The following PFDN1 variants were observed in gnomAD, a reference collection of about 807,000 sequenced individuals.
The protein encoded by PFDN1 is prefoldin subunit 1.
Under a neutral mutation model 17.3 loss-of-function variants are expected in PFDN1, and 6 were observed. The observed-to-expected ratio is 0.35, with a 90% CI of 0.19 to 0.69. The LOEUF is 0.69. Among genes scored for constraint, PFDN1 ranks in the 30% least tolerant of loss-of-function variants. PFDN1 has a pLI of 0.65. For synonymous variants in PFDN1, 58 were observed against 50.1 expected (o/e 1.16, Z -0.67); for missense variants, 113 against 146.2 (o/e 0.77, Z 1.17).
chr5:140,302,905 G>C (rs1581102182), intron 1 of PFDN1, 136 bp downstream of exon 1: 2 of 760,214 alleles, frequency 2.6e-6, no homozygotes, highest in East Asian at 2.4e-5. Context: ...TGAGGCCTTA[G>C]GACTCTGGGA....
At chr5:140,290,713 GA>G (rs1424706045) in intron 2 of PFDN1, among the ~76,000 whole-genome samples, 2 of 152,192 alleles carry the variant, frequency 1.3e-5, no homozygotes. Flanking sequence ...TTAGAGTGAT[GA>G]AAATGTTCTT....
chr5:140,302,043 G>A (rs1469804528), intron 1 of PFDN1, among the ~76,000 whole-genome samples: 1 of 152,234 alleles, frequency 6.6e-6, no homozygotes, highest in Non-Finnish European at 1.5e-5. Context: ...TCATTTGTTA[G>A]AAGCAACAGC....
At chr5:140,285,616 T>C (rs745903197) in intron 2 of PFDN1, among the ~76,000 whole-genome samples, 22 of 152,048 alleles carry the variant, frequency 1.4e-4, no homozygotes, top group Non-Finnish European at 2.8e-4. Flanking sequence ...GAAGAGTAGA[T>C]ACCCTGAACA....
intron 2 of PFDN1, among the ~76,000 whole-genome samples, chr5:140,288,244 C>G (rs1765527183): frequency 6.6e-6 from 1 of 152,216 alleles, no homozygotes; most frequent in African/African-American, 2.4e-5. Flanking sequence ...AATGAGGTAT[C>G]AAGTCACAAA....
chr5:140,251,685 T>C (rs543332304), intron 3 of PFDN1, among the ~76,000 whole-genome samples: 35 of 152,284 alleles, frequency 2.3e-4, no homozygotes, highest in African/African-American at 7.9e-4. Flanking sequence ...AGCGACATTC[T>C]TGTGGGCCCT....
At chr5:140,256,755 C>T (rs1764993655) in intron 3 of PFDN1, among the ~76,000 whole-genome samples, 1 of 150,622 alleles carries the variant, frequency 6.6e-6, no homozygotes, top group Admixed American at 6.6e-5. Flanking sequence ...CCACACCTTC[C>T]ATCCAATCCA....
intron 2 of PFDN1, among the ~76,000 whole-genome samples, chr5:140,294,474 C>A (rs986034162): frequency 5.3e-5 from 8 of 151,984 alleles, no homozygotes; most frequent in African/African-American, 1.9e-4. Context: ...TATGAGCATA[C>A]CCCTTTCTAT....
intron 3 of PFDN1, among the ~76,000 whole-genome samples, chr5:140,274,726 G>A (rs961294223): frequency 2.0e-5 from 3 of 152,112 alleles, no homozygotes; most frequent in African/African-American, 7.2e-5. Context: ...AATGTAAAAA[G>A]AGGCAGAGCA....
chr5:140,261,671 T>C (rs1299777889), intron 3 of PFDN1, among the ~76,000 whole-genome samples: 2 of 152,180 alleles, frequency 1.3e-5, no homozygotes, highest in South Asian at 2.1e-4. Context: ...GGGCTATTTA[T>C]AAAGCTTTCC....
intron 3 of PFDN1, among the ~76,000 whole-genome samples, chr5:140,256,858 C>T (rs112104750): frequency 6.6e-6 from 1 of 152,052 alleles, no homozygotes; most frequent in East Asian, 1.9e-4. Context: ...GTCCAAGCCT[C>T]CATCATCTCT....
chr5:140,253,018 G>A (rs143614382), intron 3 of PFDN1, among the ~76,000 whole-genome samples: 2 of 152,148 alleles, frequency 1.3e-5, no homozygotes, highest in Non-Finnish European at 2.9e-5. Context: ...ACAGCTAGGC[G>A]ATATGGTAAC....
intron 2 of PFDN1, among the ~76,000 whole-genome samples, chr5:140,288,755 C>T (rs189179594): frequency 2.0e-5 from 3 of 150,040 alleles, no homozygotes; most frequent in East Asian, 2.0e-4. Flanking sequence ...GAGGCCAAGG[C>T]GGGCAGATCA....
At chr5:140,259,297 G>A (rs1765030872) in intron 3 of PFDN1, among the ~76,000 whole-genome samples, 1 of 152,206 alleles carries the variant, frequency 6.6e-6, no homozygotes, top group Non-Finnish European at 1.5e-5. Context: ...TCAAGAACAT[G>A]TAATGCAGTG....
chr5:140,267,131 C>G (rs553732265), intron 3 of PFDN1, among the ~76,000 whole-genome samples: 1 of 151,878 alleles, frequency 6.6e-6, no homozygotes, highest in Admixed American at 6.6e-5. Context: ...GTTACAGTTA[C>G]ATGCAGGTGC....
chr5:140,287,625 A>G (rs949118302), intron 2 of PFDN1, among the ~76,000 whole-genome samples: 4 of 152,234 alleles, frequency 2.6e-5, no homozygotes, highest in Non-Finnish European at 5.9e-5. Context: ...CAGGAAGTAC[A>G]GTAAAAACAA....
At chr5:140,266,348 A>G (rs1268238653) in intron 3 of PFDN1, among the ~76,000 whole-genome samples, 1 of 152,180 alleles carries the variant, frequency 6.6e-6, no homozygotes, top group Non-Finnish European at 1.5e-5. Context: ...AGGGAGTAAC[A>G]CTGGTTTGTG....
intron 2 of PFDN1, among the ~76,000 whole-genome samples, chr5:140,288,974 G>C (rs973441739): frequency 6.6e-6 from 1 of 151,054 alleles, no homozygotes; most frequent in Non-Finnish European, 1.5e-5. Flanking sequence ...GACAGAGGGA[G>C]ACTCTGTCTC....
chr5:140,258,440 TAAA>T (rs562501324), intron 3 of PFDN1, among the ~76,000 whole-genome samples: 30,934 of 120,676 alleles, frequency 0.26, 3,658 homozygotes, highest in South Asian at 0.48. Context: ...GCTGTACTGT[TAAA>T]AAAAAAAAAA....
intron 3 of PFDN1, among the ~76,000 whole-genome samples, chr5:140,279,741 A>G (rs528682740): frequency 6.6e-6 from 1 of 152,190 alleles, no homozygotes; most frequent in East Asian, 1.9e-4. Context: ...GTGGCCTATG[A>G]TTCCCAGCAC....
Sources: allele counts gnomAD v4.1 joint callset (sites outside exome capture counted in the v4.1 genomes callset), GRCh38; gene constraint gnomAD v4.1.1; transcripts MANE v1.5; gene names NCBI Gene and HGNC (gene_info 2026-07-23, HGNC 2026-07-21).